Variants in ATF6 observed in about 807,000 individuals in gnomAD.
The protein encoded by ATF6 is activating transcription factor 6, also known as cyclic AMP-dependent transcription factor ATF-6 alpha.
ATF6 carries 53 observed loss-of-function variants against 83.6 expected under a neutral mutation model. The ratio of observed to expected loss-of-function variants is 0.63; its 90% CI spans 0.51 to 0.80. The LOEUF is 0.80. Ranked by LOEUF, ATF6 falls within the 30% of genes least tolerant of loss-of-function variation. ATF6 has a pLI of 0.00. For missense variants in ATF6, 744 were observed against 797.9 expected, an observed-to-expected ratio of 0.93 and a Z score of 0.81; for synonymous variants, 288 against 285.8, an observed-to-expected ratio of 1.01 and a Z score of -0.08.
chr1:161,848,178 A>G (rs1427599903), intron 10 of ATF6, among the ~76,000 whole-genome samples: 1 of 151,940 alleles, frequency 6.6e-6, no homozygotes, highest in Non-Finnish European at 1.5e-5. Context: ...GTCCTTTGAA[A>G]TATTTTTCAG....
intron 14 of ATF6, among the ~76,000 whole-genome samples, chr1:161,902,142 A>G (rs896267439): frequency 6.6e-6 from 1 of 152,192 alleles, no homozygotes; most frequent in African/African-American, 2.4e-5. Context: ...TGCATTTTTA[A>G]AAAGTGCTTA....
chr1:161,958,700 C>A lies in ATF6; in HGVS notation c.*46C>A. The A allele has an allele frequency of 6.6e-7, 1 of 1,511,638 alleles. No homozygotes were observed. Among genetic ancestry groups the A allele is most frequent in the South Asian group, 1.3e-5 (1 of 79,032 alleles). 93.6% of individuals were successfully genotyped at this position (1,511,638 alleles called of 1,614,324 possible). ...AAACTGAGCGTGGGACCCTGCCAGA[C>A]TGAAGAGCAGGTGAGCAAAATGCTG... On this transcript the variant is annotated 3_prime_UTR_variant, in exon 16 of 16. Transcript: ENST00000367942.
At chr1:161,947,692 T>G (rs1688776471) in intron 15 of ATF6, among the ~76,000 whole-genome samples, 1 of 152,136 alleles carries the variant, frequency 6.6e-6, no homozygotes, top group Non-Finnish European at 1.5e-5. Context: ...TTTATATGCT[T>G]AAGTAGTAGT....
chr1:161,861,424 G>A (rs1001961301), intron 13 of ATF6, among the ~76,000 whole-genome samples: 7 of 152,096 alleles, frequency 4.6e-5, no homozygotes, highest in Non-Finnish European at 7.4e-5. Flanking sequence ...AAAATCCTGA[G>A]ATTGTATTAT....
At chr1:161,815,332 C>G (rs185296852) in intron 7 of ATF6, among the ~76,000 whole-genome samples, 2 of 151,476 alleles carry the variant, frequency 1.3e-5, no homozygotes, top group Non-Finnish European at 2.9e-5. Flanking sequence ...GCTAGGACTA[C>G]AATTGTGCAC....
intron 9 of ATF6, among the ~76,000 whole-genome samples, chr1:161,825,959 C>T (rs7542940): frequency 5.9e-5 from 9 of 152,118 alleles, no homozygotes; most frequent in Non-Finnish European, 1.2e-4. Context: ...GGGCTTATTA[C>T]GGATAACAAA....
intron 14 of ATF6, among the ~76,000 whole-genome samples, chr1:161,888,909 A>G (rs1558011633): frequency 1.3e-5 from 2 of 152,078 alleles, no homozygotes; most frequent in African/African-American, 2.4e-5. Flanking sequence ...ACTTTCCCTT[A>G]TACCTTGAGA....
At chr1:161,773,258 C>T (rs1328556707) in intron 1 of ATF6, among the ~76,000 whole-genome samples, 7 of 151,844 alleles carry the variant, frequency 4.6e-5, no homozygotes, top group South Asian at 4.2e-4. Context: ...CTCAGCCTTC[C>T]GAGTAGCTGG....
In ATF6 at chr1:161,958,682, G is replaced by A; in HGVS notation, c.*28G>A. On this transcript the variant is annotated 3_prime_UTR_variant, in exon 16 of 16. Transcript: ENST00000367942. ...CCCTGCAGCTATGCTGGAAAACTGA[G>A]CGTGGGACCCTGCCAGACTGAAGAG... The A allele has an allele frequency of 6.4e-7, 1 of 1,572,186 alleles. No homozygotes were observed. Among genetic ancestry groups the A allele is most frequent in the South Asian group, 1.2e-5 (1 of 85,372 alleles).
At chr1:161,771,058 G>C (rs1270699023) in intron 1 of ATF6, among the ~76,000 whole-genome samples, 3 of 152,128 alleles carry the variant, frequency 2.0e-5, no homozygotes, top group Non-Finnish European at 4.4e-5. Context: ...GTTTTAATTT[G>C]CAGTTTCCTG....
chr1:161,957,290 A>G (rs537615874), intron 15 of ATF6, among the ~76,000 whole-genome samples: 3 of 152,294 alleles, frequency 2.0e-5, no homozygotes, highest in Non-Finnish European at 4.4e-5. Context: ...TCTTTGTAGA[A>G]AGGCAGTACA....
chr1:161,800,775 C>T (rs904974609), intron 6 of ATF6, among the ~76,000 whole-genome samples: 12 of 152,162 alleles, frequency 7.9e-5, no homozygotes, highest in African/African-American at 1.4e-4. Context: ...AGTGGGTCCT[C>T]TAGGGATGAG....
intron 15 of ATF6, among the ~76,000 whole-genome samples, chr1:161,944,314 A>G (rs763934703): frequency 8.5e-5 from 13 of 152,218 alleles, no homozygotes; most frequent in Non-Finnish European, 1.6e-4. Flanking sequence ...AGCAGGAATA[A>G]TGAGAATAAG....
chr1:161,907,292 G>A (rs1163718883), intron 14 of ATF6, among the ~76,000 whole-genome samples: 1 of 152,140 alleles, frequency 6.6e-6, no homozygotes, highest in East Asian at 1.9e-4. Context: ...TCTAGGACAG[G>A]GACATAGGTT....
chr1:161,918,107 A>G (rs1688137852), intron 15 of ATF6, among the ~76,000 whole-genome samples: 1 of 152,192 alleles, frequency 6.6e-6, no homozygotes, highest in African/African-American at 2.4e-5. Context: ...TTCCTACACT[A>G]TAAGGTGGGA....
chr1:161,874,872 C>T (rs1687178977), intron 14 of ATF6, among the ~76,000 whole-genome samples: 2 of 151,768 alleles, frequency 1.3e-5, no homozygotes, highest in East Asian at 1.9e-4. Context: ...GGTATGTTTG[C>T]ATGTCTGTCT....
intron 15 of ATF6, among the ~76,000 whole-genome samples, chr1:161,947,838 T>TTTTTTTTTTTTTTG (rs1558036949): frequency 1.2e-5 from 1 of 80,432 alleles, no homozygotes; most frequent in African/African-American, 3.9e-5. Context: ...TTTTTTTTTT[T>TTTTTTTTTTTTTTG]TTTGAGATGG....
chr1:161,766,379 G>T lies in ATF6; in HGVS notation c.19G>T (p.Val7Phe), dbSNP rs774689227. 1 of 1,612,902 alleles carries T rather than the reference G, an allele frequency of 6.2e-7. No homozygotes were observed. The highest frequency in any genetic ancestry group is 1.1e-5 in the South Asian group (1 of 90,766). ...TTGTGAAATGGGGGAGCCGGCTGGG[G>T]TTGCCGGCACCATGGAGTCACCTTT... Reference protein sequence around the residue: MGEPAGVAGTMESPFSP... With the variant: MGEPAGFAGTMESPFSP... Residue 7 changes from valine to phenylalanine, a missense_variant, in exon 1 of 16, where the codon GTT becomes TTT. By Grantham distance (50) the Val-to-Phe change is conservative. Transcript: ENST00000367942.
chr1:161,851,935 G>A, intron 11 of ATF6, 100 bp downstream of exon 11: 1 of 806,654 alleles, frequency 1.2e-6, no homozygotes, highest in Admixed American at 2.1e-5. Context: ...GTGACTGAGA[G>A]AATCTCTGAA....
Sources: gnomAD v4.1 joint callset for allele counts (sites outside exome capture counted in the v4.1 genomes callset) on GRCh38, gnomAD v4.1.1 for gene constraint, MANE v1.5 for transcripts, NCBI Gene and HGNC (gene_info 2026-07-23, HGNC 2026-07-21) for gene names.